Variants in TMC7 observed in about 807,000 individuals in gnomAD.
The protein encoded by TMC7 is transmembrane channel like 7.
A neutral mutation model predicts 82.9 loss-of-function variants in TMC7; 54 were observed. That is an observed-to-expected ratio of 0.65 (90% CI 0.52 to 0.82). TMC7 has a LOEUF of 0.82. Among genes scored for constraint, TMC7 ranks in the 40% least tolerant of loss-of-function variants. TMC7 has a pLI of 0.00. For missense variants in TMC7, 820 were observed against 901.2 expected (o/e 0.91, Z 1.15); for synonymous variants, 350 against 337.9 (o/e 1.04, Z -0.39).
At chr16:19,027,182 G>A (rs747569818) in intron 5 of TMC7, among the ~76,000 whole-genome samples, 1 of 145,772 alleles carries the variant, frequency 6.9e-6, no homozygotes, top group Non-Finnish European at 1.5e-5. Context: ...CAATTCTTGT[G>A]CCTCAGCCTC....
At chr16:19,013,582 A>G (rs552016724) in intron 2 of TMC7, among the ~76,000 whole-genome samples, 2 of 151,958 alleles carry the variant, frequency 1.3e-5, no homozygotes, top group African/African-American at 2.4e-5. Context: ...CAGTGGTGCC[A>G]TCTCGCCTCA....
chr16:19,037,396 A>G (rs1960798669), intron 7 of TMC7, among the ~76,000 whole-genome samples: 1 of 139,326 alleles, frequency 7.2e-6, no homozygotes, highest in Admixed American at 8.0e-5. Flanking sequence ...CAAAAAAAAA[A>G]AAAAAAAGAA....
Position 19,059,357 on chromosome 16 carries a change from T to C in TMC7, c.2028-59T>C, listed in dbSNP as rs1213935588. On this transcript the variant is annotated intron_variant, in intron 14 of 15. Transcript: ENST00000304381. ...CCAAGGAAAAATATGTTGGGTTATT[T>C]TTCTATTGGCCTTCAGATGATCCAG... The C allele has an allele frequency of 3.2e-6, 5 of 1,581,224 alleles. No individual in the cohort carries two copies. The South Asian group carries it at 4.6e-5, about 14-fold the overall frequency.
At chr16:19,048,743 C>T in intron 12 of TMC7, among the ~76,000 whole-genome samples, 2 of 152,090 alleles carry the variant, frequency 1.3e-5, no homozygotes, top group East Asian at 3.9e-4. Context: ...ATTATAGAGG[C>T]AATACAATAT....
chr16:18,998,294 A>G (rs1310211347), intron 1 of TMC7, among the ~76,000 whole-genome samples: 1 of 152,244 alleles, frequency 6.6e-6, no homozygotes, highest in Non-Finnish European at 1.5e-5. Context: ...GGAATGGTCA[A>G]GAAACTTGCC....
intron 3 of TMC7, among the ~76,000 whole-genome samples, chr16:19,018,707 A>G (rs1253189780): frequency 6.6e-6 from 1 of 152,160 alleles, no homozygotes. Context: ...AGGCTGAGGC[A>G]GGAGGATCAC....
At chr16:18,984,463 C>T (rs2038808041) in intron 1 of TMC7, 1 of 1,129,544 alleles carries the variant, frequency 8.9e-7, no homozygotes, top group Admixed American at 5.1e-5. Context: ...TGAGCACCCC[C>T]TCCACGCCTA....
At chr16:19,014,322 G>A (rs970735761) in intron 2 of TMC7, among the ~76,000 whole-genome samples, 2 of 152,162 alleles carry the variant, frequency 1.3e-5, no homozygotes, top group Non-Finnish European at 2.9e-5. Context: ...GATGTCCCCA[G>A]ACCATTGCCT....
rs1460592080 is a variant in TMC7 at position 18,984,102 on chromosome 16, G to A, written c.39G>A (p.Arg13=). 1.3e-6 allele frequency: 2 copies of A among 1,503,344 alleles called. No homozygotes were observed. The highest frequency in any genetic ancestry group is 2.1e-5 in the Admixed American group (1 of 47,584). The allele number at this position is 1,503,344 out of a possible 1,614,324, so 93.1% of individuals were successfully genotyped here. Residue 13 remains arginine, a synonymous_variant, in exon 1 of 16, where the codon AGG becomes AGA. Transcript: ENST00000304381. ...GCGGCAGTGCGCTCCAGCCCGGCAG[G>A]CCCAGCCGGCAGCCGGCGGTCCATC... ...ESSGSALQPG[R]PSRQPAVHPE... is the part of the protein sequence containing the mutation.
In TMC7 at chr16:19,039,983, G is replaced by T. The variant is rs577014222; in HGVS notation, c.1180-306G>T. 1.1e-4 allele frequency among the ~76,000 whole-genome samples: 16 copies of T among 151,900 alleles called. No homozygotes were observed. The East Asian group carries it at 2.9e-3, about 28-fold the overall frequency. On this transcript the variant is annotated intron_variant, in intron 8 of 15. Transcript: ENST00000304381. Reference sequence around the variant, plus strand: ...ATACAAAAATTAGCCTGGCATGGTGGGGGGTGCCTGTAGTCCCAGCTACTC... The same window carrying T: ...ATACAAAAATTAGCCTGGCATGGTGTGGGGTGCCTGTAGTCCCAGCTACTC...
intron 2 of TMC7, among the ~76,000 whole-genome samples, chr16:19,009,713 G>A (rs1596737144): frequency 6.6e-6 from 1 of 151,970 alleles, no homozygotes; most frequent in Non-Finnish European, 1.5e-5. Context: ...GCTGAGGCGG[G>A]TGGATCACCT....
At chr16:19,012,863 T>C (rs375820136) in intron 2 of TMC7, among the ~76,000 whole-genome samples, 25 of 147,504 alleles carry the variant, frequency 1.7e-4, no homozygotes, top group African/African-American at 6.2e-4. Flanking sequence ...AGGATCATTC[T>C]TTTTTTTTTG....
intron 13 of TMC7, among the ~76,000 whole-genome samples, chr16:19,052,063 T>C (rs1961565239): frequency 6.6e-6 from 1 of 152,140 alleles, no homozygotes; most frequent in Admixed American, 6.6e-5. Context: ...CCTGAGTAGC[T>C]GGGACTACAG....
At position 19,048,291 on chromosome 16, in the gene TMC7, C is replaced by T. The variant is rs952267393; in HGVS notation, c.1740+1042C>T. On this transcript the variant is annotated intron_variant, in intron 12 of 15. Coordinates refer to ENST00000304381, the MANE Select transcript of TMC7 (RefSeq NM_024847.4). ...CCGCCTGGACCAGTGCATTTATTTT[C>T]GGGTTTCAATGATTTGTGTAAGACC... Among the ~76,000 whole-genome samples the T allele has an allele frequency of 7.9e-5, 12 of 151,986 alleles. No homozygotes were observed. The South Asian group carries it at 1.5e-3, about 18-fold the overall frequency.
intron 13 of TMC7, 119 bp downstream of exon 13, chr16:19,051,935 C>T (rs1049075952): frequency 2.2e-6 from 3 of 1,377,738 alleles, no homozygotes; most frequent in African/African-American, 1.4e-5. Context: ...TGCTCTGTCA[C>T]CCAGGCTGGA....
At chr16:19,059,753 G>A in intron 15 of TMC7, 1 of 1,342,944 alleles carries the variant, frequency 7.4e-7, no homozygotes, top group Non-Finnish European at 1.0e-6. Flanking sequence ...GAGGCAGGCA[G>A]ATTACTTGAG....
chr16:19,017,756 G>GC (rs953324720), intron 3 of TMC7, among the ~76,000 whole-genome samples: 3 of 141,892 alleles, frequency 2.1e-5, no homozygotes, highest in South Asian at 2.4e-4. Flanking sequence ...TGCAGGCTCC[G>GC]CCCCCCGGGG....
intron 2 of TMC7, among the ~76,000 whole-genome samples, chr16:19,016,174 G>A (rs1458094961): frequency 2.0e-5 from 3 of 151,828 alleles, no homozygotes; most frequent in African/African-American, 4.8e-5. Context: ...TCGGCTCACC[G>A]CAACCTCCGC....
At chr16:18,993,396 G>A (rs1286986582) in intron 1 of TMC7, among the ~76,000 whole-genome samples, 1 of 152,146 alleles carries the variant, frequency 6.6e-6, no homozygotes, top group Non-Finnish European at 1.5e-5. Flanking sequence ...GAATAGAATG[G>A]GCCTGTGAGG....
Sources: allele counts gnomAD v4.1 joint callset (sites outside exome capture counted in the v4.1 genomes callset), GRCh38; gene constraint gnomAD v4.1.1; transcripts MANE v1.5; gene names NCBI Gene and HGNC (gene_info 2026-07-23, HGNC 2026-07-21).